KIF6: variants seen among roughly 807,000 people sequenced by gnomAD.
KIF6 encodes the protein kinesin family member 6.
KIF6 carries 106 observed loss-of-function variants against 112.7 expected under a neutral mutation model. The ratio of observed to expected loss-of-function variants is 0.94; its 90% confidence interval spans 0.80 to 1.11. The LOEUF is 1.11. Ranked by LOEUF, KIF6 falls within the 50% of genes least tolerant of loss-of-function variation. The pLI, the probability that KIF6 is intolerant of heterozygous loss-of-function variation, is 0.00. For synonymous variants in KIF6, 339 were observed against 339.9 expected (o/e 1.00, Z 0.03); for missense variants, 929 against 964.0 (o/e 0.96, Z 0.48).
At chr6:39,627,991 T>C (rs1784173422) in intron 5 of KIF6, among the ~76,000 whole-genome samples, 1 of 152,186 alleles carries the variant, frequency 6.6e-6, no homozygotes, top group African/African-American at 2.4e-5. Flanking sequence ...AATACACATA[T>C]GTGTGTATAT....
At position 39,337,241 on chromosome 6, in the gene KIF6, CTTTCTTT is replaced by C. The variant is rs1562103074; in HGVS notation, c.2429-700_2429-694del. ...TTTCTTTCTTTCTTTCTTTCTTTTT[CTTTCTTT>C]TCTTTCCCTCCCTCCCTCCAGCCTC... On this transcript the variant is annotated intron_variant, in intron 22 of 22. Transcript: ENST00000287152. Among the ~76,000 whole-genome samples the C allele has an allele frequency of 4.9e-4, 33 of 66,728 alleles. 1 individual carries two copies. Among genetic ancestry groups the C allele is most frequent in the African/African-American group, 1.7e-3 (27 of 15,804 alleles). The allele number at this position is 66,728 out of a possible 152,430, so 43.8% of individuals were successfully genotyped here.
chr6:39,523,630 C>T (rs1199764006), intron 13 of KIF6, among the ~76,000 whole-genome samples: 4 of 123,424 alleles, frequency 3.2e-5, no homozygotes, highest in African/African-American at 9.7e-5. Flanking sequence ...TACTTCCCTC[C>T]CCTATTAATT....
intron 7 of KIF6, among the ~76,000 whole-genome samples, chr6:39,595,586 C>T (rs116307976): frequency 0.011 from 1,703 of 152,238 alleles, 14 homozygotes; most frequent in Non-Finnish European, 0.02. Context: ...GTATAAACAG[C>T]ATGTGACGCA....
chr6:39,364,402 A>T (rs1291729090), intron 16 of KIF6, among the ~76,000 whole-genome samples: 1 of 152,122 alleles, frequency 6.6e-6, no homozygotes, highest in Non-Finnish European at 1.5e-5. Flanking sequence ...TACAGGTGTG[A>T]GCCACCGCGC....
intron 13 of KIF6, among the ~76,000 whole-genome samples, chr6:39,468,282 A>AAG (rs1254397018): frequency 6.6e-6 from 1 of 152,088 alleles, no homozygotes; most frequent in Admixed American, 6.6e-5. Context: ...CGGAGGGGAG[A>AAG]AGAGAGAGAG....
At chr6:39,617,077 G>A (rs1783561512) in intron 5 of KIF6, among the ~76,000 whole-genome samples, 1 of 151,698 alleles carries the variant, frequency 6.6e-6, no homozygotes, top group African/African-American at 2.4e-5. Flanking sequence ...CTATTTATTT[G>A]ATTTTTTTTA....
intron 13 of KIF6, among the ~76,000 whole-genome samples, chr6:39,448,152 G>A (rs1470143975): frequency 6.6e-6 from 1 of 152,030 alleles, no homozygotes; most frequent in Non-Finnish European, 1.5e-5. Flanking sequence ...CATTATTCAT[G>A]CAATATGAAC....
At chr6:39,487,761 C>T (rs974795981) in intron 13 of KIF6, among the ~76,000 whole-genome samples, 1 of 152,154 alleles carries the variant, frequency 6.6e-6, no homozygotes, top group Non-Finnish European at 1.5e-5. Context: ...CTATAGATGA[C>T]AATCTGAGAT....
rs113655429 is a variant in KIF6 at position 39,524,441 on chromosome 6, T to C, written c.1645+15562A>G. Among the ~76,000 whole-genome samples, 298 of 152,312 alleles carry C rather than the reference T, an allele frequency of 2.0e-3. 1 individual carries two copies. The highest frequency in any genetic ancestry group is 7.0e-3 in the African/African-American group (289 of 41,574). ...ATCCTGGAAAACTTACTGGCTGTGCTAGATACTGTGATGCGCCATCCAGAT... is the reference window on the plus strand; with the variant it reads ...ATCCTGGAAAACTTACTGGCTGTGCCAGATACTGTGATGCGCCATCCAGAT... On this transcript the variant is annotated intron_variant, in intron 13 of 22. Coordinates refer to ENST00000287152, the MANE Select transcript of KIF6 (RefSeq NM_145027.6).
intron 13 of KIF6, among the ~76,000 whole-genome samples, chr6:39,460,655 A>C (rs933813203): frequency 6.6e-6 from 1 of 152,134 alleles, no homozygotes; most frequent in Admixed American, 6.5e-5. Flanking sequence ...TGGGAATAAA[A>C]AAGAACATAA....
chr6:39,374,250 T>C (rs1766254433), intron 16 of KIF6, among the ~76,000 whole-genome samples: 1 of 152,104 alleles, frequency 6.6e-6, no homozygotes, highest in African/African-American at 2.4e-5. Flanking sequence ...GACTTAAATA[T>C]AAGATCTGAA....
At chr6:39,535,976 C>T (rs1444021990) in intron 13 of KIF6, among the ~76,000 whole-genome samples, 2 of 151,950 alleles carry the variant, frequency 1.3e-5, no homozygotes, top group East Asian at 1.9e-4. Flanking sequence ...GGGTACATAA[C>T]GAAATGAAGG....
chr6:39,431,191 G>A, intron 13 of KIF6, 30 bp from the exon 14 acceptor site: 1 of 1,273,718 alleles, frequency 7.9e-7, no homozygotes, highest in South Asian at 1.2e-5. Context: ...AATGGCCTCA[G>A]TCACAGCATC....
chr6:39,557,984 G>A (rs1421537729), intron 10 of KIF6, among the ~76,000 whole-genome samples: 6 of 150,070 alleles, frequency 4.0e-5, no homozygotes, highest in African/African-American at 7.3e-5. Flanking sequence ...CAATGAATGC[G>A]AATTGTTCAC....
intron 22 of KIF6, among the ~76,000 whole-genome samples, chr6:39,337,664 C>A (rs1033887726): frequency 5.3e-5 from 8 of 152,200 alleles, no homozygotes; most frequent in African/African-American, 1.9e-4. Flanking sequence ...TCTCTCCTTG[C>A]TTTTTCCTCC....
chr6:39,703,475 GATAAT>G (rs1453182097), intron 3 of KIF6, among the ~76,000 whole-genome samples: 3 of 152,074 alleles, frequency 2.0e-5, no homozygotes, highest in Admixed American at 2.0e-4. Context: ...AATTAGGTGA[GATAAT>G]ATACGTGAAA....
chr6:39,572,821 C>A (rs971538924), intron 10 of KIF6, among the ~76,000 whole-genome samples: 5 of 150,710 alleles, frequency 3.3e-5, no homozygotes, highest in South Asian at 2.1e-4. Flanking sequence ...CCCCACCCCC[C>A]AAAAAAGATG....
chr6:39,402,281 G>A (rs770617635), intron 15 of KIF6, among the ~76,000 whole-genome samples: 1 of 152,066 alleles, frequency 6.6e-6, no homozygotes, highest in Non-Finnish European at 1.5e-5. Context: ...GGGGCATGAG[G>A]GACTCAAGCC....
At chr6:39,716,879 C>A (rs1034955541) in intron 2 of KIF6, among the ~76,000 whole-genome samples, 1 of 152,152 alleles carries the variant, frequency 6.6e-6, no homozygotes, top group Admixed American at 6.5e-5. Flanking sequence ...AATGTTCAGT[C>A]CAAAACCATT....
Sources: gnomAD v4.1 joint callset for allele counts (sites outside exome capture counted in the v4.1 genomes callset) on GRCh38, gnomAD v4.1.1 for gene constraint, MANE v1.5 for transcripts, NCBI Gene and HGNC (gene_info 2026-07-23, HGNC 2026-07-21) for gene names.